Variants in CARS2 observed in about 807,000 individuals in gnomAD.
CARS2 encodes probable cysteine--tRNA ligase, mitochondrial.
A neutral mutation model predicts 68.8 loss-of-function variants in CARS2; 52 were observed. The ratio of observed to expected loss-of-function variants is 0.76; its 90% CI spans 0.61 to 0.95. The LOEUF is 0.95. Among genes scored for constraint, CARS2 ranks in the 40% least tolerant of loss-of-function variants. The pLI, the probability that CARS2 is intolerant of heterozygous loss-of-function variation, is 0.00. For missense variants in CARS2, 780 were observed against 754.2 expected (o/e 1.03, Z -0.40); for synonymous variants, 314 against 303.6 (o/e 1.03, Z -0.36).
chr13:110,675,743 C>G (rs937775470), intron 7 of CARS2, among the ~76,000 whole-genome samples: 1 of 151,986 alleles, frequency 6.6e-6, no homozygotes, highest in Admixed American at 6.6e-5. Context: ...AGGAAACATA[C>G]GCGTGGTTAT....
upstream of CARS2, among the ~76,000 whole-genome samples, chr13:110,709,325 C>G (rs2064007943): frequency 6.6e-6 from 1 of 151,852 alleles, no homozygotes; most frequent in Non-Finnish European, 1.5e-5. Flanking sequence ...AACTCCCGAC[C>G]CCAGGTGATC....
intron 3 of CARS2, among the ~76,000 whole-genome samples, chr13:110,689,281 C>T (rs10219862): frequency 6.6e-6 from 1 of 152,250 alleles, no homozygotes; most frequent in Non-Finnish European, 1.5e-5. Flanking sequence ...AAGCACAGCA[C>T]CTGCCACCTG....
At chr13:110,685,520 G>A (rs921792974) in intron 5 of CARS2, among the ~76,000 whole-genome samples, 8 of 152,106 alleles carry the variant, frequency 5.3e-5, no homozygotes, top group South Asian at 2.1e-4. Context: ...CAATACCTAC[G>A]TATCTTCAGC....
rs945667984 is a variant in CARS2 at position 110,668,168 on chromosome 13, C to T, written c.786-695G>A. Among the ~76,000 whole-genome samples, 1 of 152,172 alleles carries T rather than the reference C, an allele frequency of 6.6e-6. No homozygotes were observed. The highest frequency in any genetic ancestry group is 6.5e-5 in the Admixed American group (1 of 15,278). ...TCCCACTGGTCTGGTTCCCTGTGCT[C>T]GGGGAAGCACTGCACACGGAGGTCT... On this transcript the variant is annotated intron_variant, in intron 7 of 14. Coordinates refer to ENST00000257347, the MANE Select transcript of CARS2 (RefSeq NM_024537.4). This position sits in a 1 kb window ranked among gnomAD's most constrained non-coding sequence, Gnocchi z 4.1.
intron 3 of CARS2, among the ~76,000 whole-genome samples, chr13:110,696,936 C>T (rs140077770): frequency 6.6e-6 from 1 of 152,194 alleles, no homozygotes; most frequent in Non-Finnish European, 1.5e-5. Flanking sequence ...CCCCATGACA[C>T]CCTCCAAGTA....
At chr13:110,713,328 C>A in exon 1 of CARS2, 1 of 1,130,974 alleles carries the variant, frequency 8.8e-7, no homozygotes, top group Non-Finnish European at 1.1e-6. Flanking sequence ...TTCTGTCCCG[C>A]GGCCCGTTAG....
chr13:110,674,414 A>G (rs961894917), intron 7 of CARS2, among the ~76,000 whole-genome samples: 6 of 132,830 alleles, frequency 4.5e-5, no homozygotes, highest in African/African-American at 1.5e-4. Flanking sequence ...ATAATACCAC[A>G]CATCTACAAC....
intron 11 of CARS2, 170 bp downstream of exon 11, chr13:110,646,931 C>T (rs1888208965): frequency 3.9e-6 from 3 of 765,906 alleles, no homozygotes; most frequent in Non-Finnish European, 6.0e-6. Flanking sequence ...ACACCTGCAC[C>T]TCCTGCCCAG....
chr13:110,645,792 C>G, intron 12 of CARS2, 175 bp downstream of exon 12: 1 of 819,928 alleles, frequency 1.2e-6, no homozygotes, highest in Non-Finnish European at 1.8e-6. Context: ...AAGCCCCAGG[C>G]TGGGTGCCAT....
At chr13:110,659,300 A>AG (rs889757188) in intron 9 of CARS2, among the ~76,000 whole-genome samples, 1 of 152,172 alleles carries the variant, frequency 6.6e-6, no homozygotes, top group Admixed American at 6.5e-5. Flanking sequence ...TGCTCTAAAA[A>AG]CAGGGTGCAA....
At position 110,653,729 on chromosome 13, in the gene CARS2, T is replaced by C. The variant is rs540823226; in HGVS notation, c.988-2629A>G. 6.6e-6 allele frequency among the ~76,000 whole-genome samples: 1 copy of C among 152,374 alleles called. No homozygotes were observed. The highest frequency in any genetic ancestry group is 1.9e-4 in the East Asian group (1 of 5,194). On this transcript the variant is annotated intron_variant, in intron 9 of 14. Coordinates refer to ENST00000257347, the MANE Select transcript of CARS2 (RefSeq NM_024537.4). This position sits in a 1 kb window ranked among gnomAD's most constrained non-coding sequence, Gnocchi z 5.6. ...TATAGTAGTAGTTCTAATAGAAATC[T>C]GGAATCTAATCTTTCTAGAGCATTG...
chr13:110,679,564 AG>A (rs2063078698), intron 6 of CARS2, among the ~76,000 whole-genome samples: 1 of 40,528 alleles, frequency 2.5e-5, no homozygotes, highest in Non-Finnish European at 6.8e-5. Context: ...AAAGAAAGAA[AG>A]AAAGAGAGAG....
chr13:110,648,016 C>T (rs1888375959), intron 10 of CARS2, among the ~76,000 whole-genome samples: 1 of 152,214 alleles, frequency 6.6e-6, no homozygotes, highest in Admixed American at 6.5e-5. Context: ...AAGAGCCTAT[C>T]TGGACACATA....
Position 110,646,930 on chromosome 13 carries a change from C to T in CARS2, c.1193+171G>A. On this transcript the variant is annotated intron_variant, in intron 11 of 14. Coordinates refer to ENST00000257347, the MANE Select transcript of CARS2 (RefSeq NM_024537.4). ...GGGAGCCCCTGACCCCACACCTGCACCTCCTGCCCAGCACCCTGTCTCCTG... is the reference window on the plus strand; with the variant it reads ...GGGAGCCCCTGACCCCACACCTGCATCTCCTGCCCAGCACCCTGTCTCCTG... The T allele has an allele frequency of 6.6e-6, 5 of 754,006 alleles. No individual in the cohort carries two copies. In the South Asian group the frequency reaches 8.7e-5, roughly 13 times the overall value. 46.7% of individuals were successfully genotyped at this position (754,006 alleles called of 1,614,324 possible). A position where few individuals can be genotyped will look rare whatever the true frequency, so the allele number is the denominator to read the frequency against.
In CARS2 at chr13:110,646,412, G is replaced by C. The variant is rs61970543; in HGVS notation, c.1194-322C>G. 21,044 of 205,630 alleles carry C rather than the reference G, an allele frequency of 0.1. 1,358 individuals carry two copies. Among genetic ancestry groups the C allele is most frequent in the Middle Eastern group, 0.13 (66 of 518 alleles). 12.7% of individuals were successfully genotyped at this position (205,630 alleles called of 1,614,324 possible). ...GTGGCAAGGAAGACTCGGTGGGGGA[G>C]AGACGGCACGGCTGACCACTCACAA... On this transcript the variant is annotated intron_variant, in intron 11 of 14. Coordinates refer to ENST00000257347, the MANE Select transcript of CARS2 (RefSeq NM_024537.4).
chr13:110,664,578 T>C (rs2062596504), intron 8 of CARS2: 1 of 963,134 alleles, frequency 1.0e-6, no homozygotes, highest in South Asian at 4.8e-5. Context: ...CCAAAAAACA[T>C]ATATAACTTT....
intron 7 of CARS2, among the ~76,000 whole-genome samples, chr13:110,673,612 G>A (rs1319246471): frequency 6.6e-6 from 1 of 152,154 alleles, no homozygotes; most frequent in East Asian, 1.9e-4. Context: ...ATATCATACT[G>A]AATGGGCAAA....
At chr13:110,694,169 G>T (rs111475165) in intron 3 of CARS2, among the ~76,000 whole-genome samples, 2 of 151,876 alleles carry the variant, frequency 1.3e-5, no homozygotes, top group Non-Finnish European at 2.9e-5. Context: ...TGGGATTACA[G>T]GCATGCACCA....
intron 6 of CARS2, among the ~76,000 whole-genome samples, chr13:110,680,572 G>C (rs1469075711): frequency 1.3e-5 from 2 of 152,114 alleles, no homozygotes; most frequent in African/African-American, 4.8e-5. Context: ...CATCTACAAA[G>C]TAGCCTTCTC....
Sources: gnomAD v4.1 joint callset for allele counts (sites outside exome capture counted in the v4.1 genomes callset) on GRCh38, gnomAD v4.1.1 for gene constraint, Gnocchi (gnomAD v3.1) non-coding constraint, MANE v1.5 for transcripts, NCBI Gene and HGNC (gene_info 2026-07-23, HGNC 2026-07-21) for gene names.